The following ZDHHC23 variants were observed in gnomAD, a reference collection of about 807,000 sequenced individuals.
ZDHHC23 encodes palmitoyltransferase ZDHHC23.
A neutral mutation model predicts 40.2 loss-of-function variants in ZDHHC23; 41 were observed. That is an observed-to-expected ratio of 1.02 (90% confidence interval 0.79 to 1.32). ZDHHC23 has a LOEUF of 1.32. ZDHHC23 is among the 40% of genes most tolerant of loss of function. The pLI is 0.00. For missense variants in ZDHHC23, 471 were observed against 541.5 expected, an observed-to-expected ratio of 0.87 and a Z score of 1.29; for synonymous variants, 204 against 210.2, an observed-to-expected ratio of 0.97 and a Z score of 0.26.
Position 113,959,710 on chromosome 3 carries a change from T to C in ZDHHC23, c.*1080T>C, listed in dbSNP as rs558778315. 7.3e-5 allele frequency: 82 copies of C among 1,115,890 alleles called. 2 individuals are homozygous for C. The South Asian group carries it at 1.6e-3, about 22-fold the overall frequency. 69.1% of individuals were successfully genotyped at this position (1,115,890 alleles called of 1,614,324 possible). On this transcript the variant is annotated 3_prime_UTR_variant, in exon 5 of 5. Coordinates refer to ENST00000638807, the MANE Select transcript of ZDHHC23 (RefSeq NM_001320466.2). ...ATCAGCCTTCTGGCATTCACATTAT[T>C]CTGGTATGAACTTTGAGGAGTTGAG...
intron 2 of ZDHHC23, among the ~76,000 whole-genome samples, chr3:113,949,340 AGACT>A (rs1292646348): frequency 1.3e-5 from 2 of 152,346 alleles, no homozygotes; most frequent in East Asian, 1.9e-4. Context: ...CAGCATTTAG[AGACT>A]GACTACTTGG....
At chr3:113,964,079 G>A (rs1372609827), downstream of ZDHHC23, 2 of 152,134 alleles carry the variant, frequency 1.3e-5, no homozygotes, top group African/African-American at 4.8e-5. Flanking sequence ...CTTAAGTCGT[G>A]TAGCAGGTGG....
At chr3:113,957,087 T>TA (rs1427090226) in intron 4 of ZDHHC23, among the ~76,000 whole-genome samples, 3 of 152,200 alleles carry the variant, frequency 2.0e-5, no homozygotes, top group Non-Finnish European at 4.4e-5. Context: ...TAGGCCCCTT[T>TA]ATAGATTGTG....
At chr3:113,978,126 A>C in the ZDHHC23 span, 7 of 1,584,414 alleles carry the variant, frequency 4.4e-6, no homozygotes, top group African/African-American at 9.4e-5. Context: ...TAGGAGCAGA[A>C]TATATTGCTG....
chr3:113,973,762 G>A, the ZDHHC23 span, among the ~76,000 whole-genome samples: 21 of 151,874 alleles, frequency 1.4e-4, no homozygotes, highest in Non-Finnish European at 2.8e-4. Context: ...TGTCCTTGAC[G>A]TTTGAGAGTT....
downstream of ZDHHC23, among the ~76,000 whole-genome samples, chr3:113,967,645 C>A (rs898560779): frequency 2.6e-4 from 39 of 152,106 alleles, 1 homozygote; most frequent in Admixed American, 2.0e-3. Context: ...TGGGGACATT[C>A]AAGTTATTCT....
chr3:113,978,636 C>A, the ZDHHC23 span: 1 of 597,176 alleles, frequency 1.7e-6, no homozygotes, highest in Non-Finnish European at 2.9e-6. Context: ...TGATAACTTA[C>A]AGTTTATACA....
chr3:113,951,928 AG>A (rs1169996061), intron 2 of ZDHHC23, among the ~76,000 whole-genome samples: 1 of 152,218 alleles, frequency 6.6e-6, no homozygotes, highest in Non-Finnish European at 1.5e-5. Flanking sequence ...ACCTGAGGTC[AG>A]GAGTTCAAGA....
chr3:113,978,605 T>C, the ZDHHC23 span: 3 of 587,510 alleles, frequency 5.1e-6, no homozygotes, highest in East Asian at 8.6e-5. Context: ...GAAATGACTA[T>C]AAAAACAAAA....
the ZDHHC23 span, chr3:113,978,266 GA>G: frequency 1.2e-6 from 2 of 1,613,976 alleles, no homozygotes; most frequent in Non-Finnish European, 1.7e-6. Context: ...ACCAGGCCCT[GA>G]AAATCTTCTT....
the ZDHHC23 span, chr3:113,978,062 T>C: frequency 1.0e-4 from 108 of 1,039,252 alleles, no homozygotes; most frequent in African/African-American, 1.5e-3. Flanking sequence ...CTCCCACCCC[T>C]GACTGGTGTT....
At chr3:113,948,994 C>T in intron 2 of ZDHHC23, 31 bp downstream of exon 2, 2 of 1,612,452 alleles carry the variant, frequency 1.2e-6, no homozygotes, top group Non-Finnish European at 1.7e-6. Context: ...GACGCTGGCC[C>T]CATCACCCTT....
At position 113,960,818 on chromosome 3, in the gene ZDHHC23, C is replaced by T; in HGVS notation, c.*2188C>T. ...GGCACGAAGATACTTGTTTTAAGTT[C>T]CTTGAGAACCCATGATGGACAGTTG... On this transcript the variant is annotated 3_prime_UTR_variant, in exon 5 of 5. Coordinates refer to ENST00000638807, the MANE Select transcript of ZDHHC23 (RefSeq NM_001320466.2). 6.7e-7 allele frequency: 1 copy of T among 1,496,302 alleles called. No homozygotes were observed. Among genetic ancestry groups the T allele is most frequent in the African/African-American group, 1.4e-5 (1 of 68,988 alleles). The allele number at this position is 1,496,302 out of a possible 1,614,324, so 92.7% of individuals were successfully genotyped here. A position where few individuals can be genotyped will look rare whatever the true frequency, so the allele number is the denominator to read the frequency against.
intron 2 of ZDHHC23, among the ~76,000 whole-genome samples, chr3:113,950,394 G>T (rs1343718939): frequency 6.6e-6 from 1 of 152,126 alleles, no homozygotes; most frequent in Admixed American, 6.5e-5. Flanking sequence ...TCAGTGTCTG[G>T]TGAGGGCCCT....
rs1367216899 is a variant in ZDHHC23 at position 113,962,223 on chromosome 3, T to C, written c.*3593T>C. 1 of 152,200 alleles carries C rather than the reference T, an allele frequency of 6.6e-6. No homozygotes were observed. The highest frequency in any genetic ancestry group is 2.4e-5 in the African/African-American group (1 of 41,444). 9.4% of individuals were successfully genotyped at this position (152,200 alleles called of 1,614,324 possible). Reference sequence around the variant, plus strand: ...ATCCTAAACTCACTACTGAGTACGATTCAGTATGTTCCTGTGGATGTCTGC... The same window carrying C: ...ATCCTAAACTCACTACTGAGTACGACTCAGTATGTTCCTGTGGATGTCTGC... On this transcript the variant is annotated 3_prime_UTR_variant, in exon 5 of 5. Transcript: ENST00000638807.
Position 113,959,541 on chromosome 3 carries a change from T to C in ZDHHC23, c.*911T>C. The C allele has an allele frequency of 7.9e-7, 1 of 1,272,592 alleles. No homozygotes were observed. 78.8% of individuals were successfully genotyped at this position (1,272,592 alleles called of 1,614,324 possible). ...ACCAGGTAAGGTGCTAGCACACTTG[T>C]GACTGTGGCTGGAAGAGGAGAACAG... is the stretch of plus-strand genomic sequence containing the variant. On this transcript the variant is annotated 3_prime_UTR_variant, in exon 5 of 5. Transcript: ENST00000638807.
chr3:113,970,706 T>G, the ZDHHC23 span, among the ~76,000 whole-genome samples: 1 of 152,176 alleles, frequency 6.6e-6, no homozygotes, highest in African/African-American at 2.4e-5. Flanking sequence ...CTCCTAATGC[T>G]ATCCCTCCCC....
Position 113,948,765 on chromosome 3 carries a change from T to C in ZDHHC23, c.-38T>C, listed in dbSNP as rs758792735. ...TTGTGTTCTTTCCACCTTTACCTTCTGAGGGCTTCTTACGCCTCATGGTGA... is the reference window on the plus strand; with the variant it reads ...TTGTGTTCTTTCCACCTTTACCTTCCGAGGGCTTCTTACGCCTCATGGTGA... On this transcript the variant is annotated 5_prime_UTR_variant, in exon 2 of 5. Transcript: ENST00000638807. 1.9e-6 allele frequency: 3 copies of C among 1,613,076 alleles called. No individual in the cohort carries two copies. Among genetic ancestry groups the C allele is most frequent in the African/African-American group, 1.3e-5 (1 of 74,786 alleles).
chr3:113,965,079 A>ATGTG, downstream of ZDHHC23: 1 of 773,290 alleles, frequency 1.3e-6, no homozygotes, highest in Non-Finnish European at 2.1e-6. Context: ...GTATGTATGT[A>ATGTG]TGTGTGTGGG....
Sources: gnomAD v4.1 joint callset for allele counts (sites outside exome capture counted in the v4.1 genomes callset) on GRCh38, gnomAD v4.1.1 for gene constraint, MANE v1.5 for transcripts, NCBI Gene and HGNC (gene_info 2026-07-23, HGNC 2026-07-21) for gene names.